FCHO2: variants seen among roughly 807,000 people sequenced by gnomAD.
FCHO2 encodes the protein FCH and mu domain containing endocytic adaptor 2.
In FCHO2, 43 loss-of-function variants were observed where a neutral mutation model predicts 114.1. The ratio of observed to expected loss-of-function variants is 0.38; its 90% CI spans 0.30 to 0.49. The LOEUF (loss-of-function observed/expected upper bound fraction) is 0.49. FCHO2 is among the 20% of genes least tolerant of loss of function. The pLI is 0.97. For synonymous variants in FCHO2, 293 were observed against 315.2 expected (o/e 0.93, Z 0.75); for missense variants, 807 against 950.4 (o/e 0.85, Z 1.98).
intron 18 of FCHO2, 67 bp downstream of exon 18, chr5:73,064,011 A>C (rs77811022): frequency 7.1e-7 from 1 of 1,405,358 alleles, no homozygotes; most frequent in Non-Finnish European, 9.8e-7. Context: ...CTATTTTTCT[A>C]TATGCCCTTT....
Position 73,068,706 on chromosome 5 carries a change from A to G in FCHO2, c.1506A>G (p.Pro502=), listed in dbSNP as rs770801683. 4 of 1,612,440 alleles carry G rather than the reference A, an allele frequency of 2.5e-6. No individual in the cohort carries two copies. The highest frequency in any genetic ancestry group is 1.1e-5 in the South Asian group (1 of 91,040). The change falls in exon 19 of 26, where the codon CCA becomes CCG. Residue 502 remains proline, a synonymous_variant. Transcript: ENST00000430046. ...ACACCAGCCCACCTCCTGCTGCACCATTAGCCCGGGCAGAAAGTTCTTCTT... is the reference window on the plus strand; with the variant it reads ...ACACCAGCCCACCTCCTGCTGCACCGTTAGCCCGGGCAGAAAGTTCTTCTT... ...TSNTSPPPAA[P]LARAESSSSI... is the part of the protein sequence containing the mutation.
intron 5 of FCHO2, among the ~76,000 whole-genome samples, chr5:72,994,561 A>T (rs1753976679): frequency 6.6e-6 from 1 of 152,208 alleles, no homozygotes; most frequent in Non-Finnish European, 1.5e-5. Flanking sequence ...CCATTGTGGA[A>T]AGCAGTGTGT....
intron 5 of FCHO2, chr5:72,997,564 C>T: frequency 7.6e-7 from 1 of 1,322,366 alleles, no homozygotes; most frequent in Non-Finnish European, 1.1e-6. Flanking sequence ...TCAACCTGCT[C>T]CCGATGCTGG....
At position 73,074,703 on chromosome 5, in the gene FCHO2, T is replaced by C. The variant is rs751167459; in HGVS notation, c.1580-39T>C. ...ACTATCTTGATATTTAATTTATGTC[T>C]TTCTGAAGGATTTAACAAGTTAATT... On this transcript the variant is annotated intron_variant, in intron 19 of 25. Coordinates refer to ENST00000430046, the MANE Select transcript of FCHO2 (RefSeq NM_138782.3). 3.9e-6 allele frequency: 6 copies of C among 1,554,526 alleles called. No homozygotes were observed. The East Asian group carries it at 1.4e-4, about 36-fold the overall frequency.
chr5:73,049,898 A>T (rs763983677), intron 11 of FCHO2, among the ~76,000 whole-genome samples: 17 of 152,180 alleles, frequency 1.1e-4, no homozygotes, highest in Non-Finnish European at 2.4e-4. Flanking sequence ...ATATACATAC[A>T]TATACATATA....
At chr5:73,059,963 T>C (rs1202430067) in intron 17 of FCHO2, among the ~76,000 whole-genome samples, 1 of 152,056 alleles carries the variant, frequency 6.6e-6, no homozygotes, top group Admixed American at 6.6e-5. Flanking sequence ...TATCCCCTTA[T>C]GAATTATTAA....
chr5:72,971,868 G>A (rs1352998551), intron 2 of FCHO2, among the ~76,000 whole-genome samples: 3 of 152,152 alleles, frequency 2.0e-5, no homozygotes, highest in Admixed American at 6.6e-5. Flanking sequence ...ATCGTGAATT[G>A]ATTTTTGTAT....
chr5:73,066,575 C>CTTTTTTTTTTTT (rs3054234), intron 18 of FCHO2, among the ~76,000 whole-genome samples: 2 of 101,424 alleles, frequency 2.0e-5, no homozygotes, highest in African/African-American at 3.6e-5. Flanking sequence ...AGTGCCTTTT[C>CTTTTTTTTTTTT]TTTTTTTTTT....
In FCHO2 at chr5:72,989,411, A is replaced by G. The variant is rs1753706408; in HGVS notation, c.126-16A>G. The G allele has an allele frequency of 6.3e-7, 1 of 1,587,020 alleles. No homozygotes were observed. The highest frequency in any genetic ancestry group is 2.2e-5 in the East Asian group (1 of 44,536). ...CTAAATAAGAAGTATTATGATGTGGATATTTGATTTAACAGAGCTACCATA... is the reference window on the plus strand; with the variant it reads ...CTAAATAAGAAGTATTATGATGTGGGTATTTGATTTAACAGAGCTACCATA... On this transcript the variant is annotated splice_polypyrimidine_tract_variant and intron_variant, in intron 2 of 25. Coordinates refer to ENST00000430046, the MANE Select transcript of FCHO2 (RefSeq NM_138782.3).
chr5:72,990,415 G>T, intron 3 of FCHO2, 63 bp from the exon 4 acceptor site: 1 of 1,312,264 alleles, frequency 7.6e-7, no homozygotes, highest in Non-Finnish European at 1.0e-6. Flanking sequence ...CTGGTTCCTT[G>T]TTAGAACCTT....
chr5:73,074,963 A>G (rs1040145665), intron 20 of FCHO2, 110 bp downstream of exon 20: 2 of 857,980 alleles, frequency 2.3e-6, no homozygotes, highest in Admixed American at 3.1e-5. Flanking sequence ...TGTGTAGATT[A>G]CAGTTTTCTG....
intron 18 of FCHO2, among the ~76,000 whole-genome samples, chr5:73,067,394 C>T (rs1742407315): frequency 6.6e-6 from 1 of 151,980 alleles, no homozygotes; most frequent in African/African-American, 2.4e-5. Flanking sequence ...TGCGTATATA[C>T]ACAGCTGCAT....
intron 1 of FCHO2, among the ~76,000 whole-genome samples, chr5:72,964,950 AG>A (rs1272970724): frequency 6.6e-6 from 1 of 151,994 alleles, no homozygotes; most frequent in Non-Finnish European, 1.5e-5. Context: ...GTGCATCCAT[AG>A]TATATACCCT....
chr5:72,989,405 A>G, intron 2 of FCHO2, 22 bp from the exon 3 acceptor site: 4 of 1,573,502 alleles, frequency 2.5e-6, no homozygotes, highest in Non-Finnish European at 3.5e-6. Context: ...AAGTATTATG[A>G]TGTGGATATT....
rs768147868 is a variant in FCHO2, at chr5:73,074,829, A to T, written c.1667A>T (p.Tyr556Phe). Reference protein sequence around the residue: ...AVALTESVNAYFKGADPTKCI... With the variant: ...AVALTESVNAFFKGADPTKCI... The stretch of plus-strand genomic sequence containing the variant: ...GCCCTTACAGAATCTGTTAATGCCT[A>T]CTTTAAAGGAGCAGATCCCACCAAG... Residue 556 changes from tyrosine to phenylalanine, a missense_variant, in exon 20 of 26, where the codon TAC (tyrosine) becomes TTC (phenylalanine). Coordinates refer to ENST00000430046, the MANE Select transcript of FCHO2 (RefSeq NM_138782.3). 6.2e-7 allele frequency: 1 copy of T among 1,612,414 alleles called. No homozygotes were observed. The highest frequency in any genetic ancestry group is 1.1e-5 in the South Asian group (1 of 90,724).
intron 18 of FCHO2, 86 bp from the exon 19 acceptor site, chr5:73,068,546 AGTAAATTTGGTTTGGTAT>A: frequency 8.6e-7 from 1 of 1,168,704 alleles, no homozygotes; most frequent in Non-Finnish European, 1.2e-6. Flanking sequence ...AAACTCACAC[AGTAAATTTGGTTTGGTAT>A]GTTAAATTTA....
In FCHO2 at chr5:73,089,948, G is replaced by A. The variant is rs1743433614; in HGVS notation, c.*1858G>A. ...AATTAGAATTTCTAACTCTTATATT[G>A]TGCTCTTTTAAATGCCAATTACAGT... On this transcript the variant is annotated 3_prime_UTR_variant, in exon 26 of 26. Coordinates refer to ENST00000430046, the MANE Select transcript of FCHO2 (RefSeq NM_138782.3). 6.6e-6 allele frequency: 1 copy of A among 152,370 alleles called. No individual in the cohort carries two copies. Among genetic ancestry groups the A allele is most frequent in the Non-Finnish European group, 1.5e-5 (1 of 67,936 alleles). 9.4% of individuals were successfully genotyped at this position (152,370 alleles called of 1,614,324 possible).
intron 18 of FCHO2, among the ~76,000 whole-genome samples, chr5:73,065,003 C>T (rs116104589): frequency 6.6e-6 from 1 of 151,832 alleles, no homozygotes; most frequent in South Asian, 2.1e-4. Flanking sequence ...TGGGCTATTC[C>T]TTCGTCAGTC....
At chr5:72,968,400 T>A in intron 1 of FCHO2, 98 bp from the exon 2 acceptor site, 1 of 763,888 alleles carries the variant, frequency 1.3e-6, no homozygotes, top group Non-Finnish European at 2.0e-6. Context: ...ACACCTCACC[T>A]GAGCACAGGA....
Sources: gnomAD v4.1 joint callset for allele counts (sites outside exome capture counted in the v4.1 genomes callset) on GRCh38, gnomAD v4.1.1 for gene constraint, MANE v1.5 for transcripts, NCBI Gene and HGNC (gene_info 2026-07-23, HGNC 2026-07-21) for gene names.